EXOC6: variants seen among roughly 807,000 people sequenced by gnomAD.
EXOC6 encodes exocyst complex component 6.
EXOC6 carries 60 observed loss-of-function variants against 112.5 expected under a neutral mutation model. That is an observed-to-expected ratio of 0.53 (90% CI 0.43 to 0.66). The LOEUF (loss-of-function observed/expected upper bound fraction) is 0.66, where lower values mean the gene tolerates loss of function less well. Among genes scored for constraint, EXOC6 ranks in the 30% least tolerant of loss-of-function variants. The pLI, the probability that EXOC6 is intolerant of heterozygous loss-of-function variation, is 0.00. For synonymous variants in EXOC6, 295 were observed against 308.0 expected (o/e 0.96, Z 0.44); for missense variants, 855 against 957.1 (o/e 0.89, Z 1.41).
At chr10:92,984,403 T>G (rs948196890) in intron 18 of EXOC6, among the ~76,000 whole-genome samples, 1 of 152,174 alleles carries the variant, frequency 6.6e-6, no homozygotes, top group African/African-American at 2.4e-5. Context: ...TTAAGAGGTC[T>G]TTGTCCCTAA....
At chr10:92,944,057 C>G in intron 13 of EXOC6, among the ~76,000 whole-genome samples, 1 of 152,066 alleles carries the variant, frequency 6.6e-6, no homozygotes, top group East Asian at 1.9e-4. Flanking sequence ...AAGGTTCATC[C>G]TTGTTGTTGC....
intron 1 of EXOC6, among the ~76,000 whole-genome samples, chr10:92,890,587 G>T (rs1849450664): frequency 6.6e-6 from 1 of 152,138 alleles, no homozygotes; most frequent in African/African-American, 2.4e-5. Flanking sequence ...TGGAAGGAAT[G>T]ATATAGTGAT....
At chr10:92,962,036 T>G (rs1854032241) in intron 17 of EXOC6, among the ~76,000 whole-genome samples, 1 of 152,218 alleles carries the variant, frequency 6.6e-6, no homozygotes. Context: ...TACAGTGACC[T>G]GTGACAATCT....
intron 19 of EXOC6, chr10:92,999,273 G>T (rs10160135): frequency 3.6e-5 from 14 of 392,072 alleles, no homozygotes; most frequent in African/African-American, 2.8e-4. Context: ...GTGTTGCCCA[G>T]ACTGGTCTCA....
chr10:92,994,381 G>GT (rs201347392), intron 18 of EXOC6, among the ~76,000 whole-genome samples: 1,625 of 150,728 alleles, frequency 0.011, 34 homozygotes, highest in African/African-American at 0.038. Flanking sequence ...TCTTTTACAA[G>GT]TCCTTTGAAA....
intron 20 of EXOC6, among the ~76,000 whole-genome samples, chr10:93,039,328 A>G (rs923554719): frequency 3.9e-5 from 6 of 152,050 alleles, no homozygotes; most frequent in Non-Finnish European, 7.4e-5. Flanking sequence ...CTTTGAACCC[A>G]TTTGTGTTTT....
intron 15 of EXOC6, among the ~76,000 whole-genome samples, chr10:92,953,448 C>T (rs918274154): frequency 6.6e-6 from 1 of 152,116 alleles, no homozygotes; most frequent in Admixed American, 6.6e-5. Flanking sequence ...GTATCTAAGG[C>T]AGTAGTTCTC....
At chr10:92,856,022 G>T (rs923622859) in intron 1 of EXOC6, among the ~76,000 whole-genome samples, 6 of 151,940 alleles carry the variant, frequency 3.9e-5, no homozygotes, top group African/African-American at 7.3e-5. Context: ...ATGCCACCAT[G>T]CCTGGCTAAT....
chr10:93,014,601 A>C (rs949639105), intron 20 of EXOC6, among the ~76,000 whole-genome samples: 3 of 152,192 alleles, frequency 2.0e-5, no homozygotes. Context: ...CATATATGAA[A>C]ATTGGTGGTA....
chr10:92,922,090 C>T (rs564348364), intron 8 of EXOC6, among the ~76,000 whole-genome samples: 27 of 152,098 alleles, frequency 1.8e-4, no homozygotes, highest in Admixed American at 3.9e-4. Context: ...GGATTACAGG[C>T]GCCTGCCACC....
At chr10:92,929,258 A>T (rs4933754) in intron 9 of EXOC6, among the ~76,000 whole-genome samples, 43,704 of 151,984 alleles carry the variant, frequency 0.29, 7,079 homozygotes, top group East Asian at 0.73. Flanking sequence ...AATCTTGCTG[A>T]GTGAACGAGA....
intron 8 of EXOC6, 58 bp from the exon 9 acceptor site, chr10:92,928,281 G>C: frequency 1.1e-6 from 1 of 903,564 alleles, no homozygotes; most frequent in Non-Finnish European, 1.8e-6. Flanking sequence ...AGAAGTATCT[G>C]TTTTAGTTGT....
intron 13 of EXOC6, among the ~76,000 whole-genome samples, chr10:92,947,247 G>A (rs923426248): frequency 1.3e-5 from 2 of 152,150 alleles, no homozygotes; most frequent in African/African-American, 4.8e-5. Flanking sequence ...AGAGATACAA[G>A]CTATTTGCAT....
intron 6 of EXOC6, among the ~76,000 whole-genome samples, chr10:92,914,649 C>T (rs1367210962): frequency 6.6e-6 from 1 of 152,086 alleles, no homozygotes; most frequent in African/African-American, 2.4e-5. Context: ...TTCTCCAGTA[C>T]CAGCCTCTAG....
At chr10:93,056,835 A>G (rs1846564619) in intron 20 of EXOC6, 89 bp from the exon 21 acceptor site, 1 of 725,202 alleles carries the variant, frequency 1.4e-6, no homozygotes, top group Admixed American at 2.8e-5. Flanking sequence ...AGCAAGCCAT[A>G]TTAAAATGGA....
In EXOC6 at chr10:92,951,237, A is replaced by G. The variant is rs141418476; in HGVS notation, c.1417-1036A>G. Among the ~76,000 whole-genome samples the G allele has an allele frequency of 6.7e-3, 1,014 of 152,326 alleles. 10 individuals carry two copies. The highest frequency in any genetic ancestry group is 0.011 in the Admixed American group (161 of 15,304). On this transcript the variant is annotated intron_variant, in intron 14 of 21. Coordinates refer to ENST00000260762, the MANE Select transcript of EXOC6 (RefSeq NM_019053.6). ...GATCTGGAGTTGTAGATTTGGAGATATTGGTACTTGTATGGTGATTGAAGT... is the reference window on the plus strand; with the variant it reads ...GATCTGGAGTTGTAGATTTGGAGATGTTGGTACTTGTATGGTGATTGAAGT...
At chr10:92,916,119 G>T in intron 7 of EXOC6, 1 of 400,508 alleles carries the variant, frequency 2.5e-6, no homozygotes, top group Non-Finnish European at 4.5e-6. Flanking sequence ...TGGACGATTA[G>T]CCTGGTATCA....
At chr10:92,975,464 G>T (rs1421433777) in intron 18 of EXOC6, among the ~76,000 whole-genome samples, 1 of 147,992 alleles carries the variant, frequency 6.8e-6, no homozygotes, top group Non-Finnish European at 1.5e-5. Context: ...CGCCCCGTCC[G>T]GGAGGGAGGT....
chr10:92,996,453 TG>T (rs1379549817), intron 18 of EXOC6, among the ~76,000 whole-genome samples: 3 of 152,068 alleles, frequency 2.0e-5, no homozygotes, highest in African/African-American at 7.3e-5. Flanking sequence ...CTGTCTCTAC[TG>T]AAAACACAAA....
Sources: allele counts gnomAD v4.1 joint callset (sites outside exome capture counted in the v4.1 genomes callset), GRCh38; gene constraint gnomAD v4.1.1; transcripts MANE v1.5; gene names NCBI Gene and HGNC (gene_info 2026-07-23, HGNC 2026-07-21).